PCDHGB2: variants seen among roughly 807,000 people sequenced by gnomAD.
The protein encoded by PCDHGB2 is protocadherin gamma subfamily B, 2.
In PCDHGB2, 55 loss-of-function variants were observed where a neutral mutation model predicts 59.3. The observed-to-expected ratio is 0.93, with a 90% confidence interval of 0.75 to 1.16. The LOEUF (loss-of-function observed/expected upper bound fraction) is 1.16, where lower values mean the gene tolerates loss of function less well. PCDHGB2 is among the 50% of genes most tolerant of loss of function. The pLI is 0.00. For missense variants in PCDHGB2, 1,228 were observed against 1,198.5 expected (o/e 1.02, Z -0.36); for synonymous variants, 516 against 512.0 (o/e 1.01, Z -0.11).
At chr5:141,494,889 A>G (rs2099757275) in intron 2 of PCDHGB2, 24 bp downstream of exon 2, 1 of 1,613,844 alleles carries the variant, frequency 6.2e-7, no homozygotes, top group Admixed American at 1.7e-5. Context: ...TCTCCAGCCC[A>G]CCCTCTTCTC....
intron 1 of PCDHGB2, among the ~76,000 whole-genome samples, chr5:141,406,762 A>C (rs942707558): frequency 2.0e-5 from 3 of 152,238 alleles, no homozygotes; most frequent in Non-Finnish European, 4.4e-5. Context: ...CAAGGAATTA[A>C]AAATATTTCT....
intron 1 of PCDHGB2, among the ~76,000 whole-genome samples, chr5:141,369,429 C>T (rs940701313): frequency 2.0e-5 from 3 of 152,160 alleles, no homozygotes; most frequent in Admixed American, 6.5e-5. Context: ...CAATTTGGGA[C>T]GCTGAGGTGG....
intron 1 of PCDHGB2, among the ~76,000 whole-genome samples, chr5:141,434,225 G>A (rs1591320318): frequency 6.6e-6 from 1 of 152,146 alleles, no homozygotes; most frequent in African/African-American, 2.4e-5. Flanking sequence ...AACAAAGTAC[G>A]ATTTCTGGAC....
chr5:141,404,080 C>G (rs369802030), intron 1 of PCDHGB2: 1 of 1,613,516 alleles, frequency 6.2e-7, no homozygotes, highest in Non-Finnish European at 8.5e-7. Flanking sequence ...ACCGAGACTC[C>G]GGGAAGAATG....
rs371173445 is a variant in PCDHGB2 at position 141,383,743 on chromosome 5, C to A, written c.2421+21187C>A. ...CAATGGGGAAGTGACATATTCTTTT[C>A]GGAAAATAACTCCTAAACTTCCAAA... On this transcript the variant is annotated intron_variant, in intron 1 of 3. Transcript: ENST00000522605. 2.0e-5 allele frequency: 32 copies of A among 1,613,922 alleles called. No individual in the cohort carries two copies. The South Asian group carries it at 3.3e-4, about 17-fold the overall frequency.
intron 1 of PCDHGB2, chr5:141,392,779 T>A: frequency 6.5e-7 from 1 of 1,534,720 alleles, no homozygotes; most frequent in Non-Finnish European, 8.8e-7. Flanking sequence ...TTATGCACAG[T>A]GAAGATTCTG....
chr5:141,471,618 A>C (rs1421854064), intron 1 of PCDHGB2: 1 of 152,218 alleles, frequency 6.6e-6, no homozygotes, highest in Non-Finnish European at 1.5e-5. Context: ...TGGGAGTAGT[A>C]AGCATTGGTA....
At chr5:141,495,010 G>T (rs1327870362) in intron 2 of PCDHGB2, 145 bp downstream of exon 2, 1 of 1,516,970 alleles carries the variant, frequency 6.6e-7, no homozygotes, top group Non-Finnish European at 8.9e-7. Flanking sequence ...GTGTGCGGGG[G>T]GCTGGCACAC....
intron 1 of PCDHGB2, among the ~76,000 whole-genome samples, chr5:141,481,426 A>G (rs1431602618): frequency 6.6e-6 from 1 of 152,238 alleles, no homozygotes; most frequent in Non-Finnish European, 1.5e-5. Flanking sequence ...TGTGATGATG[A>G]TTGTATCAGT....
In PCDHGB2 at chr5:141,505,496, T is replaced by C; in HGVS notation, c.2569+15T>C. 6.2e-7 allele frequency: 1 copy of C among 1,614,148 alleles called. No homozygotes were observed. The highest frequency in any genetic ancestry group is 8.5e-7 in the Non-Finnish European group (1 of 1,180,004). ...GTCCGCCAGTGGTAAGTGGTGTCAGTGTGTGTATGGAAGAGTGGGAGACCT... is the reference window on the plus strand; with the variant it reads ...GTCCGCCAGTGGTAAGTGGTGTCAGCGTGTGTATGGAAGAGTGGGAGACCT... On this transcript the variant is annotated intron_variant, in intron 3 of 3. Transcript: ENST00000522605.
At chr5:141,400,268 C>T (rs976476082) in intron 1 of PCDHGB2, 3 of 1,613,962 alleles carry the variant, frequency 1.9e-6, no homozygotes, top group East Asian at 4.5e-5. Flanking sequence ...CTGCGACGCT[C>T]CTCCAGCCCT....
intron 1 of PCDHGB2, chr5:141,402,878 G>A: frequency 1.4e-6 from 2 of 1,471,050 alleles, no homozygotes; most frequent in Non-Finnish European, 1.8e-6. Context: ...ACCATACTTT[G>A]CAGGGTGGAA....
intron 1 of PCDHGB2, chr5:141,398,637 T>G: frequency 6.2e-7 from 1 of 1,614,026 alleles, no homozygotes; most frequent in Non-Finnish European, 8.5e-7. Context: ...TGCAGAAGTA[T>G]AAACTCTCTC....
chr5:141,472,065 G>C lies in PCDHGB2; in HGVS notation c.2422-22742G>C, dbSNP rs115025688. Among the ~76,000 whole-genome samples the C allele has an allele frequency of 1.7e-3, 265 of 152,218 alleles. 1 individual carries two copies. Among genetic ancestry groups the C allele is most frequent in the Middle Eastern group, 3.4e-3 (1 of 294 alleles). On this transcript the variant is annotated intron_variant, in intron 1 of 3. Coordinates refer to ENST00000522605, the MANE Select transcript of PCDHGB2 (RefSeq NM_018923.3). ...GATTTTAAAAATGATTGACATGTCT[G>C]TGGTTATATCAATGAGTACTATTAT...
chr5:141,415,654 A>G, intron 1 of PCDHGB2: 1 of 1,573,242 alleles, frequency 6.4e-7, no homozygotes. Flanking sequence ...AAAAAAAAAG[A>G]TTGGTTTTTA....
chr5:141,447,427 C>T (rs752438597), intron 1 of PCDHGB2, among the ~76,000 whole-genome samples: 2 of 152,174 alleles, frequency 1.3e-5, no homozygotes, highest in Non-Finnish European at 2.9e-5. Context: ...CGTGAGCCAC[C>T]GCACCCGGAG....
At chr5:141,404,029 C>A in intron 1 of PCDHGB2, 2 of 1,613,428 alleles carry the variant, frequency 1.2e-6, no homozygotes, top group South Asian at 1.1e-5. Flanking sequence ...TGAGAGAAGA[C>A]GCACCTCAGG....
intron 1 of PCDHGB2, chr5:141,410,263 A>G (rs532833925): frequency 1.4e-5 from 22 of 1,613,876 alleles, no homozygotes; most frequent in African/African-American, 2.7e-5. Flanking sequence ...CCCAGGCTGA[A>G]CTGCAGTTTT....
chr5:141,364,576 C>A, intron 1 of PCDHGB2: 2 of 1,614,210 alleles, frequency 1.2e-6, no homozygotes, highest in East Asian at 4.5e-5. Context: ...CGCGAAGCGG[C>A]AGCTTGGTCA....
Sources: allele counts gnomAD v4.1 joint callset (sites outside exome capture counted in the v4.1 genomes callset), GRCh38; gene constraint gnomAD v4.1.1; transcripts MANE v1.5; gene names NCBI Gene and HGNC (gene_info 2026-07-23, HGNC 2026-07-21).